Variants in PLA2G4A observed in about 807,000 individuals in gnomAD.
PLA2G4A encodes cytosolic phospholipase A2.
A neutral mutation model predicts 81.9 loss-of-function variants in PLA2G4A; 40 were observed. The observed-to-expected ratio is 0.49, with a 90% CI of 0.38 to 0.64. PLA2G4A has a LOEUF of 0.64. Among genes scored for constraint, PLA2G4A ranks in the 30% least tolerant of loss-of-function variants. The pLI is 0.00. For synonymous variants in PLA2G4A, 302 were observed against 296.9 expected, an observed-to-expected ratio of 1.02 and a Z score of -0.18; for missense variants, 715 against 905.1, an observed-to-expected ratio of 0.79 and a Z score of 2.69.
chr1:186,911,684 GCTT>G (rs1159711595), intron 7 of PLA2G4A, among the ~76,000 whole-genome samples: 1 of 152,112 alleles, frequency 6.6e-6, no homozygotes, highest in Non-Finnish European at 1.5e-5. Context: ...GTTCCAATAT[GCTT>G]CTTCTCCCTG....
intron 7 of PLA2G4A, among the ~76,000 whole-genome samples, chr1:186,914,041 TA>T (rs1307226979): frequency 6.6e-6 from 1 of 152,150 alleles, no homozygotes; most frequent in Admixed American, 6.6e-5. Flanking sequence ...AAGTTTATTT[TA>T]AAAAGAGAGG....
intron 17 of PLA2G4A, among the ~76,000 whole-genome samples, chr1:186,980,722 T>G (rs1657693145): frequency 1.3e-5 from 2 of 152,058 alleles, no homozygotes; most frequent in Non-Finnish European, 2.9e-5. Flanking sequence ...TAATATCAAC[T>G]GTATGCAATC....
chr1:186,871,452 A>G (rs1319881103), intron 3 of PLA2G4A, among the ~76,000 whole-genome samples: 2 of 152,166 alleles, frequency 1.3e-5, no homozygotes, highest in African/African-American at 4.8e-5. Flanking sequence ...GGTTTTGGGA[A>G]AGAGAACAGA....
intron 7 of PLA2G4A, among the ~76,000 whole-genome samples, chr1:186,923,233 A>G (rs1001196047): frequency 7.9e-5 from 12 of 152,288 alleles, no homozygotes; most frequent in Admixed American, 5.2e-4. Flanking sequence ...TTATCATGTC[A>G]GGCTAATTAG....
At chr1:186,867,381 A>G (rs1244422268) in intron 2 of PLA2G4A, among the ~76,000 whole-genome samples, 5 of 152,282 alleles carry the variant, frequency 3.3e-5, no homozygotes, top group African/African-American at 1.2e-4. Context: ...TTTATTTCAT[A>G]TGAATTTTGT....
intron 8 of PLA2G4A, among the ~76,000 whole-genome samples, chr1:186,937,274 AGAG>A: frequency 6.6e-6 from 1 of 151,732 alleles, no homozygotes; most frequent in African/African-American, 2.4e-5. Context: ...AGAGAGAGAG[AGAG>A]AACACCAGAT....
At chr1:186,924,712 A>G (rs1393194622) in intron 7 of PLA2G4A, among the ~76,000 whole-genome samples, 1 of 152,008 alleles carries the variant, frequency 6.6e-6, no homozygotes, top group Non-Finnish European at 1.5e-5. Context: ...TGCTGGGATT[A>G]TGGGGTGCAT....
chr1:186,838,486 G>A (rs1045275257), intron 1 of PLA2G4A, among the ~76,000 whole-genome samples: 21 of 152,126 alleles, frequency 1.4e-4, no homozygotes, highest in African/African-American at 4.8e-4. Context: ...GTCCAAAATT[G>A]GCTGATTTCC....
At chr1:186,908,550 T>C (rs1654821263) in intron 6 of PLA2G4A, among the ~76,000 whole-genome samples, 1 of 152,056 alleles carries the variant, frequency 6.6e-6, no homozygotes, top group African/African-American at 2.4e-5. Context: ...AAAGAGTACA[T>C]ATACAATAGG....
At chr1:186,931,517 CTAT>C (rs3060324) in intron 7 of PLA2G4A, among the ~76,000 whole-genome samples, 33,175 of 144,654 alleles carry the variant, frequency 0.23, 3,857 homozygotes, top group South Asian at 0.34. Context: ...AAAATGTTTG[CTAT>C]TATTATTATT....
At chr1:186,905,497 G>A (rs550531451) in intron 5 of PLA2G4A, among the ~76,000 whole-genome samples, 1 of 151,926 alleles carries the variant, frequency 6.6e-6, no homozygotes, top group African/African-American at 2.4e-5. Context: ...ATTCATCTGA[G>A]CATGCATTAT....
intron 1 of PLA2G4A, among the ~76,000 whole-genome samples, chr1:186,851,667 T>C (rs914238136): frequency 6.6e-6 from 1 of 151,968 alleles, no homozygotes; most frequent in Non-Finnish European, 1.5e-5. Flanking sequence ...ATTATATCAC[T>C]CAATATAGGT....
Position 186,939,030 on chromosome 1 carries a change from C to T in PLA2G4A, c.718C>T (p.His240Tyr). The T allele has an allele frequency of 6.3e-7, 1 of 1,597,700 alleles. No individual in the cohort carries two copies. The highest frequency in any genetic ancestry group is 8.6e-7 in the Non-Finnish European group (1 of 1,165,284). The part of the protein sequence containing the change: ...STWYMSTLYS[H>Y]PDFPEKGPEE... ...TAGGTATATGTCAACCTTGTATTCT[C>T]ACCCTGATTTTCCAGAGAAAGGGCC... The change falls in exon 9 of 18, where the codon CAC (histidine) becomes TAC (tyrosine). Residue 240 changes from histidine (H) to tyrosine (Y), a missense_variant. Physicochemically the swap from His to Tyr is moderately conservative, Grantham distance 83. Coordinates refer to ENST00000367466, the MANE Select transcript of PLA2G4A (RefSeq NM_024420.3).
chr1:186,865,767 T>G (rs1653004248), intron 2 of PLA2G4A, among the ~76,000 whole-genome samples: 1 of 152,198 alleles, frequency 6.6e-6, no homozygotes, highest in Non-Finnish European at 1.5e-5. Context: ...TCAAATTGAT[T>G]TGGTATAAAT....
intron 12 of PLA2G4A, among the ~76,000 whole-genome samples, chr1:186,949,536 T>C (rs1445734854): frequency 6.6e-6 from 1 of 152,154 alleles, no homozygotes; most frequent in Non-Finnish European, 1.5e-5. Flanking sequence ...CCCACACCTC[T>C]GTGTAACAAA....
chr1:186,907,071 G>C (rs1003344619), intron 6 of PLA2G4A, 69 bp downstream of exon 6: 3 of 845,746 alleles, frequency 3.5e-6, no homozygotes, highest in Admixed American at 1.8e-5. Flanking sequence ...AATTGTTAAA[G>C]AATTTTTTTA....
At chr1:186,841,873 G>T (rs527672874) in intron 1 of PLA2G4A, among the ~76,000 whole-genome samples, 1 of 152,222 alleles carries the variant, frequency 6.6e-6, no homozygotes, top group Admixed American at 6.5e-5. Context: ...ATGTGAAGTG[G>T]TTAGACGTTA....
At chr1:186,847,268 T>C (rs1372092678) in intron 1 of PLA2G4A, among the ~76,000 whole-genome samples, 2 of 152,246 alleles carry the variant, frequency 1.3e-5, no homozygotes, top group East Asian at 1.9e-4. Flanking sequence ...CCTGTATTTC[T>C]TTCTGTAGGT....
chr1:186,884,108 G>C (rs886293590), intron 3 of PLA2G4A, among the ~76,000 whole-genome samples: 1 of 151,776 alleles, frequency 6.6e-6, no homozygotes, highest in African/African-American at 2.4e-5. Flanking sequence ...CGAGAGAAGC[G>C]GTATTGAGAG....
Sources: allele counts gnomAD v4.1 joint callset (sites outside exome capture counted in the v4.1 genomes callset), GRCh38; gene constraint gnomAD v4.1.1; transcripts MANE v1.5; gene names NCBI Gene and HGNC (gene_info 2026-07-23, HGNC 2026-07-21).